Variants in AGR2 observed in about 807,000 individuals in gnomAD.
The protein encoded by AGR2 is anterior gradient protein 2 homolog.
AGR2 carries 27 observed loss-of-function variants against 25.9 expected under a neutral mutation model. That is an observed-to-expected ratio of 1.04 (90% CI 0.77 to 1.44). AGR2 has a LOEUF of 1.44. AGR2 is among the 40% of genes most tolerant of loss of function. AGR2 has a pLI of 0.00. For missense variants in AGR2, 182 were observed against 200.9 expected, an observed-to-expected ratio of 0.91 and a Z score of 0.57; for synonymous variants, 78 against 72.0, an observed-to-expected ratio of 1.08 and a Z score of -0.42.
At chr7:16,801,569 C>G (rs761151952) in intron 2 of AGR2, 89 bp downstream of exon 2, 1 of 1,536,286 alleles carries the variant, frequency 6.5e-7, no homozygotes. Context: ...TAACCTGGCA[C>G]CAGGTTAGAA....
At chr7:16,795,163 C>G in intron 6 of AGR2, 144 bp from the exon 7 acceptor site, 3 of 865,836 alleles carry the variant, frequency 3.5e-6, no homozygotes, top group Non-Finnish European at 5.5e-6. Flanking sequence ...TCTGATCCAT[C>G]CACTCTACTA....
chr7:16,799,726 G>A lies in AGR2; in HGVS notation c.330+18C>T, dbSNP rs750487119. ...TGAGCCATAGAGAAATGTTAGTAAT[G>A]ATGAAAAGGAAACTTACAACCAGAT... On this transcript the variant is annotated intron_variant, in intron 5 of 7. Coordinates refer to ENST00000419304, the MANE Select transcript of AGR2 (RefSeq NM_006408.4). 6 of 1,586,992 alleles carry A rather than the reference G, an allele frequency of 3.8e-6. No individual in the cohort carries two copies. In the East Asian group the frequency reaches 1.3e-4, roughly 36 times the overall value.
intron 1 of AGR2, 78 bp from the exon 2 acceptor site, chr7:16,801,881 G>A (rs1419932356): frequency 3.0e-5 from 39 of 1,305,794 alleles, no homozygotes; most frequent in Non-Finnish European, 3.6e-5. Context: ...GCCCCACAAC[G>A]GTGGAATATA....
intron 6 of AGR2, among the ~76,000 whole-genome samples, chr7:16,797,140 C>G (rs531363197): frequency 6.6e-6 from 1 of 151,946 alleles, no homozygotes; most frequent in Non-Finnish European, 1.5e-5. Context: ...GTTGGCCAGG[C>G]TGGTTTGGAG....
intron 3 of AGR2, 38 bp downstream of exon 3, chr7:16,801,282 A>C (rs761545798): frequency 6.2e-7 from 1 of 1,610,700 alleles, no homozygotes; most frequent in Non-Finnish European, 8.5e-7. Context: ...GGTGCTCTTG[A>C]GAGCTTTGAG....
At chr7:16,793,623 A>G (rs1250875101) in intron 7 of AGR2, among the ~76,000 whole-genome samples, 2 of 152,222 alleles carry the variant, frequency 1.3e-5, no homozygotes, top group African/African-American at 4.8e-5. Context: ...GGGAAATATA[A>G]ATAATAGCAA....
chr7:16,801,755 G>A lies in AGR2; in HGVS notation c.42C>T (p.Ala14=). The A allele has an allele frequency of 6.2e-7, 1 of 1,612,968 alleles. No homozygotes were observed. The change falls in exon 2 of 8, where the codon GCC becomes GCT. Residue 14 remains alanine (A), a synonymous_variant. Transcript: ENST00000419304. ...TATCTCTGGCCAGAGTGTAGGAGAG[G>A]GCCACAAGGAGCAAGAATGCTGACA... is the stretch of plus-strand genomic sequence containing the variant. The part of the protein sequence containing the change: ...IPVSAFLLLV[A]LSYTLARDTT...
intron 6 of AGR2, among the ~76,000 whole-genome samples, chr7:16,795,621 T>C (rs1373212341): frequency 1.3e-5 from 2 of 152,170 alleles, no homozygotes. Context: ...TTTAAATCCA[T>C]CTTGCCATGT....
Position 16,801,059 on chromosome 7 carries a change from T to C in AGR2, c.256+92A>G, listed in dbSNP as rs969754067. 2.6e-4 allele frequency: 242 copies of C among 924,374 alleles called. 3 individuals carry two copies. The highest frequency in any genetic ancestry group is 4.8e-5 in the Admixed American group (2 of 41,782). The allele number at this position is 924,374 out of a possible 1,614,324, so 57.3% of individuals were successfully genotyped here. On this transcript the variant is annotated intron_variant, in intron 4 of 7. Transcript: ENST00000419304. Reference sequence around the variant, plus strand: ...TAAAATATTCTTTCTTTAATGCAACTGTGGTTCTAAAGATACAAACATGAG... The same window carrying C: ...TAAAATATTCTTTCTTTAATGCAACCGTGGTTCTAAAGATACAAACATGAG...
In AGR2 at chr7:16,795,039, A is replaced by C; in HGVS notation, c.395-20T>G. The stretch of plus-strand genomic sequence containing the variant: ...ATGGGTCTGCAAAGATAAATGAAGC[A>C]AAAGGGAATGGAATGGTTTGTTTTC... On this transcript the variant is annotated intron_variant, in intron 6 of 7. Coordinates refer to ENST00000419304, the MANE Select transcript of AGR2 (RefSeq NM_006408.4). The C allele has an allele frequency of 7.4e-6, 12 of 1,613,114 alleles. No homozygotes were observed. Among genetic ancestry groups the C allele is most frequent in the Non-Finnish European group, 1.0e-5 (12 of 1,179,062 alleles).
intron 1 of AGR2, among the ~76,000 whole-genome samples, chr7:16,802,503 A>G (rs1785165748): frequency 6.6e-6 from 1 of 152,226 alleles, no homozygotes; most frequent in Non-Finnish European, 1.5e-5. Context: ...TTTATAGTAA[A>G]GTGTTAAATA....
rs1380186214 is a variant in AGR2, at chr7:16,801,181, G to A, written c.226C>T (p.His76Tyr). ...CTGTGTGGGCACTCATCCAAGTGAT[G>A]AATAATCATCAAGGGTTTGTTGCTT... ...KTSNKPLMII[H>Y]HLDECPHSQA... Residue 76 changes from histidine (H) to tyrosine (Y), a missense_variant, in exon 4 of 8, where the codon CAT becomes TAT. By Grantham distance (83) the His-to-Tyr change is moderately conservative (BLOSUM62 2). Transcript: ENST00000419304. 3.1e-6 allele frequency: 5 copies of A among 1,613,754 alleles called. No individual in the cohort carries two copies. Among genetic ancestry groups the A allele is most frequent in the Admixed American group, 1.7e-5 (1 of 59,970 alleles).
chr7:16,794,673 A>AG lies in AGR2; in HGVS notation c.478+262dup, dbSNP rs1204508238. ...GTACCTAACAGAAAACCTGAAAATC[A>AG]GGTAATGTGGTCATAGAATCCTCCT... On this transcript the variant is annotated intron_variant, in intron 7 of 7. Coordinates refer to ENST00000419304, the MANE Select transcript of AGR2 (RefSeq NM_006408.4). 34 of 804,932 alleles carry AG rather than the reference A, an allele frequency of 4.2e-5. 1 individual carries two copies. Among genetic ancestry groups the AG allele is most frequent in the Non-Finnish European group, 6.0e-5 (32 of 533,220 alleles). The allele number at this position is 804,932 out of a possible 1,614,324, so 49.9% of individuals were successfully genotyped here.
In AGR2 at chr7:16,804,330, C is replaced by T. The variant is rs376904190; in HGVS notation, c.-8+605G>A. On this transcript the variant is annotated intron_variant, in intron 1 of 7. Transcript: ENST00000419304. ...GAAGCCAGCACTTTTTACTCATCAC[C>T]GTATCCCTGTCTTCTTGTCTTTAGC... Among the ~76,000 whole-genome samples the T allele has an allele frequency of 6.0e-4, 91 of 151,738 alleles. No homozygotes were observed. The East Asian group carries it at 8.3e-3, about 14-fold the overall frequency.
At chr7:16,793,866 G>T (rs1339633627) in intron 7 of AGR2, among the ~76,000 whole-genome samples, 1 of 152,158 alleles carries the variant, frequency 6.6e-6, no homozygotes, top group Non-Finnish European at 1.5e-5. Flanking sequence ...CACTCGATAG[G>T]CATTGAACAG....
At chr7:16,793,570 G>T (rs540733801) in intron 7 of AGR2, among the ~76,000 whole-genome samples, 15 of 152,328 alleles carry the variant, frequency 9.8e-5, no homozygotes, top group African/African-American at 3.6e-4. Flanking sequence ...ATGTTTAAAA[G>T]AAATGTCTAT....
chr7:16,792,913 A>G lies in AGR2; in HGVS notation c.523T>C (p.Leu175=). Residue 175 remains leucine (L), a synonymous_variant, in exon 8 of 8, where the codon TTG becomes CTG. Transcript: ENST00000419304. ...GGCTTGGAGATTTTTTTTCTTTACA[A>G]TTCAGTCTTCAGCAACTTGAGAGCT... ...KKALKLLKTE[L] 1 of 1,613,976 alleles carries G rather than the reference A, an allele frequency of 6.2e-7. No homozygotes were observed. The highest frequency in any genetic ancestry group is 1.1e-5 in the South Asian group (1 of 91,076).
In AGR2 at chr7:16,801,450, A is replaced by G. The variant is rs766132821; in HGVS notation, c.140-67T>C. On this transcript the variant is annotated intron_variant, in intron 2 of 7. Coordinates refer to ENST00000419304, the MANE Select transcript of AGR2 (RefSeq NM_006408.4). ...TCAGACCCAAAGCTGTTGAAAAGCA[A>G]TGGTAAAGACTGGGATAATAGACCC... 5 of 1,475,618 alleles carry G rather than the reference A, an allele frequency of 3.4e-6. No individual in the cohort carries two copies. The South Asian group carries it at 3.5e-5, about 10-fold the overall frequency. 91.4% of individuals were successfully genotyped at this position (1,475,618 alleles called of 1,614,324 possible).
intron 6 of AGR2, among the ~76,000 whole-genome samples, chr7:16,796,233 T>C (rs981604688): frequency 2.6e-5 from 4 of 152,212 alleles, no homozygotes; most frequent in African/African-American, 9.7e-5. Flanking sequence ...GAGCTGGTTC[T>C]TAGGACTGAA....
Sources: allele counts gnomAD v4.1 joint callset (sites outside exome capture counted in the v4.1 genomes callset), GRCh38; gene constraint gnomAD v4.1.1; transcripts MANE v1.5; gene names NCBI Gene and HGNC (gene_info 2026-07-23, HGNC 2026-07-21).